Variants in SPATA6 observed in about 807,000 individuals in gnomAD.
SPATA6 encodes the protein spermatogenesis associated 6.
A neutral mutation model predicts 65.3 loss-of-function variants in SPATA6; 56 were observed. That is an observed-to-expected ratio of 0.86 (90% CI 0.69 to 1.07). SPATA6 has a LOEUF of 1.07. Among genes scored for constraint, SPATA6 ranks in the 50% least tolerant of loss-of-function variants. SPATA6 has a pLI of 0.00. For synonymous variants in SPATA6, 199 were observed against 213.2 expected (o/e 0.93, Z 0.58); for missense variants, 590 against 594.8 (o/e 0.99, Z 0.08).
At chr1:48,398,462 A>G (rs1650815826) in intron 7 of SPATA6, among the ~76,000 whole-genome samples, 1 of 151,754 alleles carries the variant, frequency 6.6e-6, no homozygotes, top group Non-Finnish European at 1.5e-5. Flanking sequence ...GGATGAATTC[A>G]TTTTACAATT....
At chr1:48,332,275 C>T (rs985216662) in intron 11 of SPATA6, among the ~76,000 whole-genome samples, 4 of 152,202 alleles carry the variant, frequency 2.6e-5, no homozygotes, top group East Asian at 1.9e-4. Context: ...CCAATTAAAA[C>T]GCACAAAGTG....
the SPATA6 span, chr1:48,262,507 A>C: frequency 4.6e-5 from 7 of 152,174 alleles, no homozygotes; most frequent in Non-Finnish European, 1.0e-4. Flanking sequence ...TCCAGTTTAA[A>C]TATATAATAG....
At chr1:48,264,973 T>A in the SPATA6 span, among the ~76,000 whole-genome samples, 1 of 152,166 alleles carries the variant, frequency 6.6e-6, no homozygotes, top group African/African-American at 2.4e-5. Flanking sequence ...AACTAAAAGT[T>A]CCCTGAATAT....
chr1:48,455,035 T>C (rs1476909035), intron 1 of SPATA6, among the ~76,000 whole-genome samples: 1 of 152,176 alleles, frequency 6.6e-6, no homozygotes, highest in African/African-American at 2.4e-5. Flanking sequence ...CCCCTTTTGC[T>C]CTAATATATT....
At chr1:48,368,310 TC>T (rs1180488887) in intron 9 of SPATA6, among the ~76,000 whole-genome samples, 2 of 152,284 alleles carry the variant, frequency 1.3e-5, no homozygotes, top group Non-Finnish European at 2.9e-5. Flanking sequence ...TTTGTGGCGT[TC>T]TCTGTATTTC....
intron 11 of SPATA6, among the ~76,000 whole-genome samples, chr1:48,338,111 A>G (rs1036973744): frequency 6.6e-5 from 10 of 152,174 alleles, no homozygotes; most frequent in African/African-American, 2.2e-4. Context: ...TAGTACAAAA[A>G]TAGATAATTA....
intron 11 of SPATA6, among the ~76,000 whole-genome samples, chr1:48,334,327 A>C (rs112837294): frequency 0.05 from 7,559 of 151,878 alleles, 245 homozygotes; most frequent in African/African-American, 0.084. Context: ...GACACAACAA[A>C]AAAAAAAGAA....
intron 9 of SPATA6, among the ~76,000 whole-genome samples, chr1:48,368,340 C>G (rs1647102677): frequency 1.3e-5 from 2 of 152,178 alleles, no homozygotes; most frequent in South Asian, 2.1e-4. Flanking sequence ...GAATGTTGGT[C>G]TGCCTTGCTA....
the SPATA6 span, among the ~76,000 whole-genome samples, chr1:48,281,591 CAA>C: frequency 1.3e-5 from 2 of 151,716 alleles, no homozygotes; most frequent in East Asian, 3.9e-4. Flanking sequence ...ACAATTGCTT[CAA>C]AGAGAATAAA....
chr1:48,427,363 GA>G (rs1405879945), intron 3 of SPATA6, among the ~76,000 whole-genome samples: 2 of 139,092 alleles, frequency 1.4e-5, no homozygotes, highest in Non-Finnish European at 3.1e-5. Flanking sequence ...AAATAGCACA[GA>G]AAGTAAACAC....
intron 9 of SPATA6, among the ~76,000 whole-genome samples, chr1:48,369,133 G>T (rs1647142499): frequency 6.6e-6 from 1 of 152,154 alleles, no homozygotes. Flanking sequence ...GAATGCTGCT[G>T]CCTGATCGGT....
intron 9 of SPATA6, among the ~76,000 whole-genome samples, chr1:48,367,562 G>C (rs1235600641): frequency 6.6e-6 from 1 of 151,964 alleles, no homozygotes; most frequent in Non-Finnish European, 1.5e-5. Flanking sequence ...GGCCTTCTTT[G>C]TCTCTTTTGA....
chr1:48,371,702 T>C (rs946315817), intron 9 of SPATA6, among the ~76,000 whole-genome samples: 2 of 152,198 alleles, frequency 1.3e-5, no homozygotes, highest in African/African-American at 2.4e-5. Context: ...CAAGAGTGTT[T>C]GCATTAGTCC....
chr1:48,370,863 C>A (rs1243448806), intron 9 of SPATA6, among the ~76,000 whole-genome samples: 1 of 152,104 alleles, frequency 6.6e-6, no homozygotes, highest in Non-Finnish European at 1.5e-5. Context: ...CAAGGAAAGT[C>A]CCACAAAGGA....
chr1:48,386,686 G>A (rs915899966), intron 8 of SPATA6, among the ~76,000 whole-genome samples: 4 of 152,178 alleles, frequency 2.6e-5, no homozygotes, highest in East Asian at 1.9e-4. Context: ...GGATCCCTAC[G>A]ATACCAGGCC....
chr1:48,312,125 C>A (rs1645233881), intron 11 of SPATA6, among the ~76,000 whole-genome samples: 1 of 152,222 alleles, frequency 6.6e-6, no homozygotes, highest in Non-Finnish European at 1.5e-5. Flanking sequence ...CCACTGTAGA[C>A]TCCACCTCTG....
chr1:48,318,085 T>C (rs1168816290), intron 11 of SPATA6, among the ~76,000 whole-genome samples: 1 of 152,184 alleles, frequency 6.6e-6, no homozygotes, highest in Non-Finnish European at 1.5e-5. Context: ...GGGAAAGCAT[T>C]TGACAAATAC....
chr1:48,427,167 A>C (rs1653912737), intron 3 of SPATA6, among the ~76,000 whole-genome samples: 1 of 152,112 alleles, frequency 6.6e-6, no homozygotes, highest in Non-Finnish European at 1.5e-5. Context: ...GCCTCAAGCA[A>C]TTCTCCAGCC....
At chr1:48,463,249 G>A (rs1470823925) in intron 1 of SPATA6, among the ~76,000 whole-genome samples, 1 of 152,080 alleles carries the variant, frequency 6.6e-6, no homozygotes, top group African/African-American at 2.4e-5. Flanking sequence ...TATTGGTTCT[G>A]TTTTTCTGGA....
Sources: allele counts gnomAD v4.1 joint callset (sites outside exome capture counted in the v4.1 genomes callset), GRCh38; gene constraint gnomAD v4.1.1; transcripts MANE v1.5; gene names NCBI Gene and HGNC (gene_info 2026-07-23, HGNC 2026-07-21).